The following TMEM131 variants were observed in gnomAD, a reference collection of about 807,000 sequenced individuals.
TMEM131 encodes the protein transmembrane protein 131, also known as 2610524E03Rik.
TMEM131 carries 66 observed loss-of-function variants against 211.6 expected under a neutral mutation model. The ratio of observed to expected loss-of-function variants is 0.31; its 90% CI spans 0.26 to 0.38. TMEM131 has a LOEUF of 0.38. Among genes scored for constraint, TMEM131 ranks in the 10% least tolerant of loss-of-function variants. The pLI is 1.00. For synonymous variants in TMEM131, 844 were observed against 841.3 expected, an observed-to-expected ratio of 1.00 and a Z score of -0.06; for missense variants, 2,036 against 2,299.3, an observed-to-expected ratio of 0.89 and a Z score of 2.34.
At chr2:97,884,418 TA>T (rs1675058075) in intron 4 of TMEM131, among the ~76,000 whole-genome samples, 2 of 152,224 alleles carry the variant, frequency 1.3e-5, no homozygotes. Flanking sequence ...AAATGTTCTG[TA>T]AATGTCTGTT....
intron 11 of TMEM131, among the ~76,000 whole-genome samples, chr2:97,821,474 T>C (rs1369749795): frequency 6.6e-6 from 1 of 152,210 alleles, no homozygotes; most frequent in Non-Finnish European, 1.5e-5. Flanking sequence ...AGCTTTGTTC[T>C]TTCACTCTTC....
rs117890411 is a variant in TMEM131, at chr2:97,977,082, G to A, written c.187+18394C>T. On this transcript the variant is annotated intron_variant, in intron 1 of 40. Transcript: ENST00000186436. ...ATAAAACTTCCAGAAAAGAATACAG[G>A]AGAAAATCTTTGTGACCTTGCATTA... Among the ~76,000 whole-genome samples, 351 of 152,000 alleles carry A rather than the reference G, an allele frequency of 2.3e-3. 15 individuals are homozygous for A. The East Asian group carries it at 0.06, about 26-fold the overall frequency.
rs1206367980 is a variant in TMEM131, at chr2:97,792,418, T to C, written c.4112A>G (p.Glu1371Gly). 2 of 1,602,632 alleles carry C rather than the reference T, an allele frequency of 1.2e-6. No homozygotes were observed. Among genetic ancestry groups the C allele is most frequent in the Admixed American group, 3.4e-5 (2 of 58,112 alleles). The change falls in exon 31 of 41, where the codon GAG (glutamate) becomes GGG (glycine). Residue 1371 changes from glutamate to glycine, a missense_variant. Transcript: ENST00000186436. Reference sequence around the variant, plus strand: ...TTTTGGCAATGGCGATGGAGGCTGCTCTGTAAACACTTCTAGGGCTGGGGA... The same window carrying C: ...TTTTGGCAATGGCGATGGAGGCTGCCCTGTAAACACTTCTAGGGCTGGGGA... ...HDSPALEVFT[E>G]QPPSPLPKSK...
chr2:97,852,577 G>A (rs1673671677), intron 5 of TMEM131, among the ~76,000 whole-genome samples: 6 of 152,198 alleles, frequency 3.9e-5, no homozygotes, highest in Admixed American at 3.3e-4. Context: ...AAAAGGGATC[G>A]ATTCATGAGG....
chr2:97,922,946 GA>G (rs1676807562), intron 2 of TMEM131, among the ~76,000 whole-genome samples: 1 of 152,158 alleles, frequency 6.6e-6, no homozygotes, highest in Admixed American at 6.5e-5. Flanking sequence ...CTCTTTGCAA[GA>G]AGGCTCAATA....
chr2:97,931,719 C>A (rs890243086), intron 1 of TMEM131, among the ~76,000 whole-genome samples: 1 of 152,138 alleles, frequency 6.6e-6, no homozygotes, highest in Admixed American at 6.6e-5. Context: ...GTCAAATCAG[C>A]GATTTTTAAA....
chr2:97,832,020 A>AAAAAAAAG (rs1682722287), intron 11 of TMEM131, among the ~76,000 whole-genome samples: 3 of 150,256 alleles, frequency 2.0e-5, no homozygotes, highest in African/African-American at 7.3e-5. Flanking sequence ...AAAAAAAAAA[A>AAAAAAAAG]AAAAAAGCAG....
intron 3 of TMEM131, among the ~76,000 whole-genome samples, chr2:97,895,381 A>C (rs181445209): frequency 3.3e-5 from 5 of 152,348 alleles, no homozygotes; most frequent in Non-Finnish European, 5.9e-5. Flanking sequence ...TGTTGGCCTC[A>C]TAAAATGAGT....
At chr2:97,946,441 T>A (rs1449217497) in intron 1 of TMEM131, among the ~76,000 whole-genome samples, 1 of 152,002 alleles carries the variant, frequency 6.6e-6, no homozygotes, top group Non-Finnish European at 1.5e-5. Flanking sequence ...ATACTTTCTA[T>A]AAACATTAGA....
chr2:97,954,076 A>G (rs1281107696), intron 1 of TMEM131, among the ~76,000 whole-genome samples: 2 of 152,232 alleles, frequency 1.3e-5, no homozygotes, highest in Non-Finnish European at 2.9e-5. Context: ...ATGGTCTCAC[A>G]TTAATAATCT....
chr2:97,826,321 T>C (rs538825242), intron 11 of TMEM131, among the ~76,000 whole-genome samples: 171 of 152,308 alleles, frequency 1.1e-3, no homozygotes, highest in African/African-American at 4.0e-3. Flanking sequence ...AGATAGCAAG[T>C]ATGCTTATCT....
At chr2:97,781,831 A>T (rs552860965) in intron 31 of TMEM131, among the ~76,000 whole-genome samples, 1 of 152,292 alleles carries the variant, frequency 6.6e-6, no homozygotes, top group South Asian at 2.1e-4. Flanking sequence ...AATGTGCACA[A>T]ATAAAGCCTC....
rs541753961 is a variant in TMEM131 at position 97,965,864 on chromosome 2, G to A, written c.187+29612C>T. Among the ~76,000 whole-genome samples, 9 of 151,842 alleles carry A rather than the reference G, an allele frequency of 5.9e-5. No homozygotes were observed. In the East Asian group the frequency reaches 1.7e-3, roughly 29 times the overall value. On this transcript the variant is annotated intron_variant, in intron 1 of 40. Coordinates refer to ENST00000186436, the MANE Select transcript of TMEM131 (RefSeq NM_015348.2). ...GGAGAAGTGATTTAAATGTAACCCT[G>A]AAATTCACATAAAGGTAGAACTAGA... is the stretch of plus-strand genomic sequence containing the variant.
At chr2:97,766,450 A>G in intron 34 of TMEM131, 28 bp downstream of exon 34, 2 of 1,613,862 alleles carry the variant, frequency 1.2e-6, no homozygotes, top group South Asian at 1.1e-5. Flanking sequence ...TCCGTAAGAC[A>G]TGATCATAGA....
chr2:97,811,355 G>C, intron 17 of TMEM131, 123 bp from the exon 18 acceptor site: 1 of 708,964 alleles, frequency 1.4e-6, no homozygotes, highest in South Asian at 1.6e-5. Context: ...GTATGACACT[G>C]AATTACCATA....
intron 5 of TMEM131, among the ~76,000 whole-genome samples, chr2:97,849,442 C>T (rs1241371771): frequency 6.6e-6 from 1 of 152,026 alleles, no homozygotes; most frequent in Non-Finnish European, 1.5e-5. Context: ...ATGCATTATG[C>T]TAAAAGAAAG....
At chr2:97,906,456 C>G (rs1271418656) in intron 3 of TMEM131, among the ~76,000 whole-genome samples, 1 of 152,162 alleles carries the variant, frequency 6.6e-6, no homozygotes, top group Non-Finnish European at 1.5e-5. Context: ...TTCTCCCCAC[C>G]CTTATCTTGA....
intron 11 of TMEM131, chr2:97,827,166 C>T (rs1682434833): frequency 1.6e-5 from 10 of 617,932 alleles, no homozygotes; most frequent in South Asian, 1.5e-4. Flanking sequence ...GGAGTGGCAG[C>T]GGCAAGGCAG....
chr2:97,818,965 T>C (rs1445731174), intron 11 of TMEM131, among the ~76,000 whole-genome samples: 1 of 152,262 alleles, frequency 6.6e-6, no homozygotes, highest in Non-Finnish European at 1.5e-5. Flanking sequence ...TGTAAGAATC[T>C]ATTACATTTG....
Sources: allele counts gnomAD v4.1 joint callset (sites outside exome capture counted in the v4.1 genomes callset), GRCh38; gene constraint gnomAD v4.1.1; transcripts MANE v1.5; gene names NCBI Gene and HGNC (gene_info 2026-07-23, HGNC 2026-07-21).